The following PREX2 variants were observed in gnomAD, a reference collection of about 807,000 sequenced individuals.
PREX2 encodes the protein phosphatidylinositol-3,4,5-trisphosphate dependent Rac exchange factor 2.
A neutral mutation model predicts 203.2 loss-of-function variants in PREX2; 107 were observed. That is an observed-to-expected ratio of 0.53 (90% CI 0.45 to 0.62). The LOEUF is 0.62. Among genes scored for constraint, PREX2 ranks in the 20% least tolerant of loss-of-function variants. The pLI is 0.00. For synonymous variants in PREX2, 672 were observed against 663.6 expected (o/e 1.01, Z -0.19); for missense variants, 1,777 against 1,955.9 (o/e 0.91, Z 1.72).
intron 33 of PREX2, among the ~76,000 whole-genome samples, chr8:68,145,152 A>G (rs187052656): frequency 6.6e-6 from 1 of 152,300 alleles, no homozygotes; most frequent in East Asian, 1.9e-4. Context: ...AATTATTCAA[A>G]TGCTATTAAT....
intron 23 of PREX2, among the ~76,000 whole-genome samples, chr8:68,107,319 A>T (rs887584368): frequency 6.6e-6 from 1 of 152,204 alleles, no homozygotes; most frequent in African/African-American, 2.4e-5. Flanking sequence ...GGCCAGAAGG[A>T]GCTTAGGGAG....
chr8:68,094,869 C>G (rs1189248677), intron 21 of PREX2: 1 of 152,266 alleles, frequency 6.6e-6, no homozygotes, highest in Admixed American at 6.5e-5. Flanking sequence ...AGGCGCCTGT[C>G]ACATGTCCCA....
At chr8:67,969,287 T>C (rs932651678) in intron 1 of PREX2, among the ~76,000 whole-genome samples, 1 of 152,182 alleles carries the variant, frequency 6.6e-6, no homozygotes, top group Non-Finnish European at 1.5e-5. Flanking sequence ...CTGTGGTCTA[T>C]GAATGCCACA....
At chr8:68,126,580 C>T (rs917430783) in intron 30 of PREX2, among the ~76,000 whole-genome samples, 1 of 152,042 alleles carries the variant, frequency 6.6e-6, no homozygotes. Context: ...CATTTCTTTT[C>T]AGTCAATTCT....
At chr8:68,013,803 A>G (rs887207248) in intron 1 of PREX2, among the ~76,000 whole-genome samples, 1 of 152,160 alleles carries the variant, frequency 6.6e-6, no homozygotes, top group Non-Finnish European at 1.5e-5. Flanking sequence ...TAAATAGCCA[A>G]ATCTTTAAGG....
intron 1 of PREX2, among the ~76,000 whole-genome samples, chr8:67,971,637 C>T (rs754398873): frequency 4.6e-5 from 7 of 151,906 alleles, no homozygotes; most frequent in Non-Finnish European, 1.0e-4. Flanking sequence ...AACTCAACAT[C>T]GAAGAGGAAA....
At chr8:68,128,105 G>A (rs548230036) in intron 31 of PREX2, among the ~76,000 whole-genome samples, 13 of 152,232 alleles carry the variant, frequency 8.5e-5, no homozygotes, top group African/African-American at 2.2e-4. Flanking sequence ...GAAATAGATC[G>A]TAAAGATTGG....
Position 68,055,980 on chromosome 8 carries a change from G to A in PREX2, c.1238+6G>A. 2 of 1,605,394 alleles carry A rather than the reference G, an allele frequency of 1.2e-6. No individual in the cohort carries two copies. Among genetic ancestry groups the A allele is most frequent in the Non-Finnish European group, 8.5e-7 (1 of 1,177,536 alleles). On this transcript the variant is annotated splice_donor_region_variant and intron_variant, in intron 10 of 39. Coordinates refer to ENST00000288368, the MANE Select transcript of PREX2 (RefSeq NM_024870.4). ...CCTAAATGCTTTCTTGGAAGGTAGG[G>A]TTGGGAGTTTGGGTGCATGACTTTC...
At chr8:68,136,700 C>CAGTACTTACTGTGTACTGTGCA (rs1811119565) in intron 32 of PREX2, among the ~76,000 whole-genome samples, 2 of 152,188 alleles carry the variant, frequency 1.3e-5, no homozygotes, top group South Asian at 4.2e-4. Flanking sequence ...AACATTTTTC[C>CAGTACTTACTGTGTACTGTGCA]AGTACTTACT....
intron 37 of PREX2, among the ~76,000 whole-genome samples, chr8:68,199,651 C>T (rs1812465026): frequency 6.6e-6 from 1 of 152,112 alleles, no homozygotes; most frequent in Non-Finnish European, 1.5e-5. Context: ...TGAAGATGAA[C>T]AGTATAATGA....
intron 37 of PREX2, among the ~76,000 whole-genome samples, chr8:68,216,389 C>T (rs1239650204): frequency 2.6e-5 from 4 of 152,038 alleles, no homozygotes; most frequent in Non-Finnish European, 5.9e-5. Context: ...CAACAAACTA[C>T]AGGGAGGTAA....
intron 35 of PREX2, among the ~76,000 whole-genome samples, chr8:68,168,437 C>G (rs1483465913): frequency 1.3e-5 from 2 of 152,186 alleles, no homozygotes; most frequent in Non-Finnish European, 1.5e-5. Context: ...ACATGATACC[C>G]TGTTCTCCTA....
chr8:68,159,952 G>T (rs139678720), intron 35 of PREX2, among the ~76,000 whole-genome samples: 1 of 151,712 alleles, frequency 6.6e-6, no homozygotes, highest in African/African-American at 2.4e-5. Flanking sequence ...GCTGTAAATG[G>T]CTCACAAAGA....
intron 1 of PREX2, among the ~76,000 whole-genome samples, chr8:67,999,760 T>C (rs565286460): frequency 9.2e-5 from 14 of 152,282 alleles, no homozygotes; most frequent in African/African-American, 3.4e-4. Context: ...AAAAAGCTTA[T>C]CCACTATGAT....
chr8:68,020,425 A>G (rs1807538771), intron 3 of PREX2, among the ~76,000 whole-genome samples: 2 of 152,142 alleles, frequency 1.3e-5, no homozygotes, highest in African/African-American at 2.4e-5. Flanking sequence ...GTATTTATCA[A>G]AATGCTAGAC....
intron 14 of PREX2, among the ~76,000 whole-genome samples, chr8:68,074,558 G>A (rs1809291747): frequency 6.6e-6 from 1 of 152,164 alleles, no homozygotes; most frequent in Non-Finnish European, 1.5e-5. Context: ...AATCAACTCT[G>A]ATTGCTTAAC....
intron 1 of PREX2, among the ~76,000 whole-genome samples, chr8:67,956,409 C>G (rs1284521192): frequency 1.3e-5 from 2 of 152,236 alleles, no homozygotes; most frequent in Non-Finnish European, 2.9e-5. Context: ...TTTTAATGCT[C>G]TGCTATTGCC....
intron 37 of PREX2, among the ~76,000 whole-genome samples, chr8:68,201,421 A>G (rs978704739): frequency 2.0e-5 from 3 of 152,184 alleles, no homozygotes; most frequent in African/African-American, 7.2e-5. Flanking sequence ...AGGTCCCACA[A>G]TAGGCCGTCT....
At chr8:68,108,708 T>A (rs950378686) in intron 24 of PREX2, among the ~76,000 whole-genome samples, 1 of 152,180 alleles carries the variant, frequency 6.6e-6, no homozygotes, top group Non-Finnish European at 1.5e-5. Context: ...GGACAAGGGA[T>A]CAAACTATCC....
Sources: allele counts gnomAD v4.1 joint callset (sites outside exome capture counted in the v4.1 genomes callset), GRCh38; gene constraint gnomAD v4.1.1; transcripts MANE v1.5; gene names NCBI Gene and HGNC (gene_info 2026-07-23, HGNC 2026-07-21).